Variants in FNTA observed in about 807,000 individuals in gnomAD.
FNTA encodes protein farnesyltransferase/geranylgeranyltransferase type-1 subunit alpha.
FNTA carries 27 observed loss-of-function variants against 55.2 expected under a neutral mutation model. The observed-to-expected ratio is 0.49, with a 90% confidence interval of 0.36 to 0.67. The LOEUF (loss-of-function observed/expected upper bound fraction) is 0.67, where lower values mean the gene tolerates loss of function less well. Among genes scored for constraint, FNTA ranks in the 30% least tolerant of loss-of-function variants. FNTA has a pLI of 0.00. For missense variants in FNTA, 422 were observed against 464.7 expected (o/e 0.91, Z 0.85); for synonymous variants, 176 against 170.7 (o/e 1.03, Z -0.24).
rs777233633 is a variant in FNTA at position 43,069,701 on chromosome 8, G to A, written c.506+42G>A. 1.7e-5 allele frequency: 22 copies of A among 1,262,306 alleles called. No individual in the cohort carries two copies. The South Asian group carries it at 2.6e-4, about 15-fold the overall frequency. The allele number at this position is 1,262,306 out of a possible 1,614,324, so 78.2% of individuals were successfully genotyped here. ...GCTGTGTCTCCCAGGCTGGAGTGCA[G>A]TGGCATGACCTCGGCTCACTGCAGC... On this transcript the variant is annotated intron_variant, in intron 4 of 8. Transcript: ENST00000302279.
At chr8:43,075,526 T>A (rs916997558) in intron 5 of FNTA, among the ~76,000 whole-genome samples, 2 of 152,200 alleles carry the variant, frequency 1.3e-5, no homozygotes, top group African/African-American at 2.4e-5. Flanking sequence ...ATATAAAAAA[T>A]TTATATTGCC....
chr8:43,067,383 A>G (rs1810685134), intron 3 of FNTA, among the ~76,000 whole-genome samples: 1 of 152,142 alleles, frequency 6.6e-6, no homozygotes. Flanking sequence ...TTGCCGTGGT[A>G]TCTTTGCCCC....
intron 3 of FNTA, among the ~76,000 whole-genome samples, chr8:43,064,687 T>C (rs1810613629): frequency 6.6e-6 from 1 of 152,036 alleles, no homozygotes. Flanking sequence ...TAGCAATCTC[T>C]AGCCCAATAT....
intron 7 of FNTA, among the ~76,000 whole-genome samples, chr8:43,083,601 A>G (rs1811066111): frequency 6.6e-6 from 1 of 152,122 alleles, no homozygotes. Flanking sequence ...CTACTCCTCA[A>G]CTAGAAAAGG....
At chr8:43,058,612 A>G (rs887440606) in intron 1 of FNTA, among the ~76,000 whole-genome samples, 1 of 152,104 alleles carries the variant, frequency 6.6e-6, no homozygotes, top group Non-Finnish European at 1.5e-5. Context: ...TCTACTAAAA[A>G]TACAAAAATT....
intron 5 of FNTA, among the ~76,000 whole-genome samples, chr8:43,073,051 AT>A (rs1040101043): frequency 6.6e-6 from 1 of 152,092 alleles, no homozygotes. Flanking sequence ...CACTCTGGGT[AT>A]TTTATTTATT....
chr8:43,070,628 G>T (rs1810768132), intron 4 of FNTA, among the ~76,000 whole-genome samples: 1 of 152,180 alleles, frequency 6.6e-6, no homozygotes, highest in Non-Finnish European at 1.5e-5. Context: ...ATCACCCACT[G>T]TTATGTAAAA....
At chr8:43,074,398 G>C (rs1810861406) in intron 5 of FNTA, among the ~76,000 whole-genome samples, 1 of 152,150 alleles carries the variant, frequency 6.6e-6, no homozygotes, top group African/African-American at 2.4e-5. Context: ...AGTGGCGCAT[G>C]CTTGTGTTCG....
chr8:43,072,138 G>C, intron 4 of FNTA, 43 bp from the exon 5 acceptor site: 1 of 1,402,678 alleles, frequency 7.1e-7, no homozygotes. Context: ...TTTAGTTCAT[G>C]GGTAAATTAA....
At chr8:43,083,061 CTG>C (rs1045696699) in intron 6 of FNTA, 55 bp from the exon 7 acceptor site, 24 of 952,366 alleles carry the variant, frequency 2.5e-5, no homozygotes, top group African/African-American at 2.4e-4. Flanking sequence ...AAAAAAAAAA[CTG>C]TGTCTCATCA....
At chr8:43,064,851 T>A (rs935272490) in intron 3 of FNTA, among the ~76,000 whole-genome samples, 15 of 151,616 alleles carry the variant, frequency 9.9e-5, no homozygotes, top group African/African-American at 3.6e-4. Context: ...TTTATTTTTT[T>A]TTTTTGAGAT....
intron 3 of FNTA, among the ~76,000 whole-genome samples, chr8:43,067,056 C>T (rs981576240): frequency 6.6e-6 from 1 of 152,180 alleles, no homozygotes; most frequent in Non-Finnish European, 1.5e-5. Context: ...TGTATATCAA[C>T]ATTTTAAATG....
chr8:43,085,152 A>G lies in FNTA; in HGVS notation c.1018-8A>G, dbSNP rs573207921. The G allele has an allele frequency of 1.8e-4, 272 of 1,524,778 alleles. No homozygotes were observed. The South Asian group carries it at 3.0e-3, about 17-fold the overall frequency. 94.5% of individuals were successfully genotyped at this position (1,524,778 alleles called of 1,614,324 possible). On this transcript the variant is annotated splice_polypyrimidine_tract_variant and splice_region_variant and intron_variant, in intron 8 of 8. Transcript: ENST00000302279. ...CATATTACTTTAATTTTTATTTTTC[A>G]TTTTCAGTTATGTGAAATCCTAGCT...
chr8:43,074,550 TAC>T (rs10543932), intron 5 of FNTA, among the ~76,000 whole-genome samples: 116,851 of 150,348 alleles, frequency 0.78, 47,612 homozygotes, highest in Non-Finnish European at 0.91. Flanking sequence ...AAAAGTGAAA[TAC>T]ACACACACAC....
rs375810129 is a variant in FNTA, at chr8:43,056,462, T to C, written c.116T>C (p.Met39Thr). 6 of 1,568,160 alleles carry C rather than the reference T, an allele frequency of 3.8e-6. No homozygotes were observed. In the African/African-American group the frequency reaches 4.2e-5, roughly 11 times the overall value. Residue 39 changes from methionine to threonine, a missense_variant, in exon 1 of 9, where the codon ATG (methionine) becomes ACG (threonine). By Grantham distance (81) the Met-to-Thr change is moderately conservative. Around this residue, in one of 2 missense-constraint regions of FNTA, gnomAD observed 160 missense variants for 121.6 expected, o/e 1.32. Coordinates refer to ENST00000302279, the MANE Select transcript of FNTA (RefSeq NM_002027.3). ...PPPQQQHKEE[M>T]AAEAGEAVAS... ...CCCCAGCAGCAGCACAAGGAAGAGA[T>C]GGCGGCCGAGGCTGGGGAAGCCGTG...
intron 2 of FNTA, chr8:43,063,371 A>G (rs952054545): frequency 4.4e-6 from 2 of 453,940 alleles, no homozygotes; most frequent in African/African-American, 2.0e-5. Context: ...AATGCTCCCA[A>G]TAAATATCCT....
rs1363439162 is a variant in FNTA at position 43,084,828 on chromosome 8, A to T, written c.964A>T (p.Met322Leu). 4 of 1,613,898 alleles carry T rather than the reference A, an allele frequency of 2.5e-6. No individual in the cohort carries two copies. The highest frequency in any genetic ancestry group is 1.3e-5 in the African/African-American group (1 of 74,910). ...CTTTCTTGTGGATATCTATGAAGACATGCTAGAAAATCAGTGTGACAATAA... is the reference window on the plus strand; with the variant it reads ...CTTTCTTGTGGATATCTATGAAGACTTGCTAGAAAATCAGTGTGACAATAA... ...IAFLVDIYED[M>L]LENQCDNKED... The change falls in exon 8 of 9, where the codon ATG (methionine) becomes TTG (leucine). Residue 322 changes from methionine (M) to leucine (L), a missense_variant. Coordinates refer to ENST00000302279, the MANE Select transcript of FNTA (RefSeq NM_002027.3).
rs373852144 is a variant in FNTA at position 43,084,758 on chromosome 8, A to G, written c.894A>G (p.Gln298=). ...GLSKYPNLLN[Q]LLDLQPSHSS... is the part of the protein sequence containing the mutation. ...CCAAATATCCTAATCTGTTAAATCAATTACTTGATTTACAACCAAGTCATA... is the reference window on the plus strand; with the variant it reads ...CCAAATATCCTAATCTGTTAAATCAGTTACTTGATTTACAACCAAGTCATA... The change falls in exon 8 of 9, where the codon CAA becomes CAG. Residue 298 remains glutamine, a synonymous_variant. Coordinates refer to ENST00000302279, the MANE Select transcript of FNTA (RefSeq NM_002027.3). 51 of 1,613,520 alleles carry G rather than the reference A, an allele frequency of 3.2e-5. No homozygotes were observed. The highest frequency in any genetic ancestry group is 4.0e-5 in the African/African-American group (3 of 74,908).
chr8:43,067,140 G>A (rs1440082409), intron 3 of FNTA, among the ~76,000 whole-genome samples: 1 of 152,078 alleles, frequency 6.6e-6, no homozygotes, highest in Middle Eastern at 3.2e-3. Context: ...GATTTTTCCA[G>A]AGAATAAAGC....
Sources: gnomAD v4.1 joint callset for allele counts (sites outside exome capture counted in the v4.1 genomes callset) on GRCh38, gnomAD v4.1.1 for gene constraint, gnomAD v4.1.1 regional missense constraint, MANE v1.5 for transcripts, NCBI Gene and HGNC (gene_info 2026-07-23, HGNC 2026-07-21) for gene names.